PSEN2: variants seen among roughly 807,000 people sequenced by gnomAD.
PSEN2 encodes the protein presenilin-2.
Under a neutral mutation model 49.1 loss-of-function variants are expected in PSEN2, and 32 were observed. The observed-to-expected ratio is 0.65, with a 90% CI of 0.49 to 0.88. The LOEUF (loss-of-function observed/expected upper bound fraction) is 0.88, where lower values mean the gene tolerates loss of function less well. Among genes scored for constraint, PSEN2 ranks in the 40% least tolerant of loss-of-function variants. The pLI, the probability that PSEN2 is intolerant of heterozygous loss-of-function variation, is 0.00. For synonymous variants in PSEN2, 255 were observed against 244.0 expected (o/e 1.05, Z -0.42); for missense variants, 522 against 586.9 (o/e 0.89, Z 1.14).
intron 12 of PSEN2, among the ~76,000 whole-genome samples, chr1:226,902,558 C>T (rs1158307239): frequency 6.6e-6 from 1 of 152,104 alleles, no homozygotes; most frequent in African/African-American, 2.4e-5. Context: ...AAAGGGAAGT[C>T]AGTGGGGTTG....
chr1:226,896,825 T>C (rs1029056371), downstream of PSEN2, among the ~76,000 whole-genome samples: 3 of 151,818 alleles, frequency 2.0e-5, no homozygotes, highest in South Asian at 2.1e-4. Flanking sequence ...CAAGCAGGTG[T>C]TAGGTATATC....
chr1:226,875,116 G>A (rs990337180), intron 2 of PSEN2, among the ~76,000 whole-genome samples: 2 of 152,118 alleles, frequency 1.3e-5, no homozygotes, highest in Non-Finnish European at 2.9e-5. Flanking sequence ...GAGGGCCCCT[G>A]GGGCCTGTGG....
chr1:226,890,979 T>C (rs776697838), intron 9 of PSEN2: 48 of 453,150 alleles, frequency 1.1e-4, no homozygotes, highest in Non-Finnish European at 1.5e-4. Flanking sequence ...GTGCCAGGAC[T>C]GTCATGAGTG....
chr1:226,885,081 G>A (rs1238806542), intron 5 of PSEN2, among the ~76,000 whole-genome samples: 1 of 152,008 alleles, frequency 6.6e-6, no homozygotes, highest in East Asian at 1.9e-4. Context: ...TGCTTCCTGT[G>A]TCTGCTTCCT....
chr1:226,874,339 G>C (rs1221206251), intron 2 of PSEN2, among the ~76,000 whole-genome samples: 3 of 152,206 alleles, frequency 2.0e-5, no homozygotes, highest in African/African-American at 7.2e-5. Flanking sequence ...TTGGCCATGG[G>C]ACATTAACTG....
At chr1:226,894,863 C>T (rs1161648134) in intron 12 of PSEN2, among the ~76,000 whole-genome samples, 1 of 152,180 alleles carries the variant, frequency 6.6e-6, no homozygotes, top group Non-Finnish European at 1.5e-5. Context: ...CAGGCTCCTC[C>T]ACCACCAGAC....
At position 226,885,964 on chromosome 1, in the gene PSEN2, G is replaced by A. The variant is rs532635035; in HGVS notation, c.498+285G>A. Among the ~76,000 whole-genome samples the A allele has an allele frequency of 2.3e-4, 23 of 100,586 alleles. No homozygotes were observed. In the East Asian group the frequency reaches 5.8e-3, roughly 25 times the overall value. The allele number at this position is 100,586 out of a possible 152,430, so 66.0% of individuals were successfully genotyped here. A position where few individuals can be genotyped will look rare whatever the true frequency, so the allele number is the denominator to read the frequency against. ...GACTCACTGCAGCCTCAACCTCCTGGGCTCAAGTTCTCCCACCCAGCCCCT... is the reference window on the plus strand; with the variant it reads ...GACTCACTGCAGCCTCAACCTCCTGAGCTCAAGTTCTCCCACCCAGCCCCT... On this transcript the variant is annotated intron_variant, in intron 6 of 12. Transcript: ENST00000366783.
intron 4 of PSEN2, among the ~76,000 whole-genome samples, chr1:226,883,058 G>T (rs1463296008): frequency 6.6e-6 from 1 of 152,184 alleles, no homozygotes; most frequent in Non-Finnish European, 1.5e-5. Flanking sequence ...TTACAGATCG[G>T]TTTGTGCTAG....
At chr1:226,891,713 G>A (rs769066300) in intron 10 of PSEN2, 30 bp from the exon 11 acceptor site, 1 of 1,559,682 alleles carries the variant, frequency 6.4e-7, no homozygotes, top group Non-Finnish European at 8.8e-7. Context: ...TCACGGTGAT[G>A]ACGGACATCT....
intron 3 of PSEN2, among the ~76,000 whole-genome samples, chr1:226,876,456 T>C (rs956911841): frequency 2.8e-4 from 43 of 152,176 alleles, no homozygotes; most frequent in African/African-American, 9.9e-4. Context: ...TCTGTCTAAA[T>C]GTTGATGCTC....
At chr1:226,880,734 G>C in intron 3 of PSEN2, 1 of 1,612,820 alleles carries the variant, frequency 6.2e-7, no homozygotes, top group Non-Finnish European at 8.5e-7. Flanking sequence ...GGTACACTGG[G>C]TCCCCCACTT....
intron 3 of PSEN2, 149 bp from the exon 4 acceptor site, chr1:226,881,739 G>A: frequency 1.2e-6 from 1 of 856,894 alleles, no homozygotes; most frequent in Non-Finnish European, 1.9e-6. Flanking sequence ...TTGTTTTATG[G>A]CAGTCGTTTG....
chr1:226,882,187 G>T (rs1661046310), intron 4 of PSEN2, 139 bp downstream of exon 4: 7 of 1,265,502 alleles, frequency 5.5e-6, no homozygotes, highest in African/African-American at 1.5e-5. Context: ...AAGGTGGGTG[G>T]CTGGCCATGA....
intron 12 of PSEN2, among the ~76,000 whole-genome samples, chr1:226,894,778 G>A (rs897638258): frequency 3.3e-5 from 5 of 152,232 alleles, no homozygotes; most frequent in African/African-American, 1.2e-4. Context: ...GGCATGGCAT[G>A]ATTAAGGTTG....
At chr1:226,893,079 C>T (rs928430954) in intron 11 of PSEN2, among the ~76,000 whole-genome samples, 4 of 151,790 alleles carry the variant, frequency 2.6e-5, no homozygotes, top group South Asian at 2.1e-4. Flanking sequence ...ATTACAGGCA[C>T]GTGCTACCAC....
intron 11 of PSEN2, 84 bp downstream of exon 11, chr1:226,891,928 G>A (rs1661785086): frequency 7.7e-7 from 1 of 1,291,126 alleles, no homozygotes; most frequent in Non-Finnish European, 1.1e-6. Flanking sequence ...AGCCTGGGTG[G>A]AGGAGGGCAT....
chr1:226,891,508 C>G (rs936245840), intron 10 of PSEN2, 147 bp downstream of exon 10: 4 of 786,498 alleles, frequency 5.1e-6, no homozygotes, highest in Non-Finnish European at 8.3e-6. Context: ...CGGACACATG[C>G]GGCTTGAAGA....
chr1:226,895,383 C>G, intron 12 of PSEN2, 41 bp from the exon 13 acceptor site: 1 of 1,611,894 alleles, frequency 6.2e-7, no homozygotes, highest in Non-Finnish European at 8.5e-7. Flanking sequence ...CCTGTCCACA[C>G]CAGGGATCAC....
intron 11 of PSEN2, 59 bp downstream of exon 11, chr1:226,891,903 G>A (rs1661782864): frequency 3.3e-6 from 5 of 1,493,288 alleles, no homozygotes; most frequent in Non-Finnish European, 4.7e-6. Flanking sequence ...GAGACAGAGG[G>A]TGGAGGCTCC....
Sources: allele counts gnomAD v4.1 joint callset (sites outside exome capture counted in the v4.1 genomes callset), GRCh38; gene constraint gnomAD v4.1.1; transcripts MANE v1.5; gene names NCBI Gene and HGNC (gene_info 2026-07-23, HGNC 2026-07-21).